SCD5: variants seen among roughly 807,000 people sequenced by gnomAD.
SCD5 encodes the protein stearoyl-CoA desaturase 5.
Under a neutral mutation model 30.4 loss-of-function variants are expected in SCD5, and 20 were observed. The ratio of observed to expected loss-of-function variants is 0.66; its 90% CI spans 0.46 to 0.96. The LOEUF (loss-of-function observed/expected upper bound fraction) is 0.96, where lower values mean the gene tolerates loss of function less well. SCD5 is among the 40% of genes least tolerant of loss of function. The pLI is 0.00. For synonymous variants in SCD5, 173 were observed against 176.4 expected, an observed-to-expected ratio of 0.98 and a Z score of 0.16; for missense variants, 381 against 443.3, an observed-to-expected ratio of 0.86 and a Z score of 1.26.
intron 2 of SCD5, chr4:82,691,779 A>G (rs979621306): frequency 3.3e-5 from 5 of 152,590 alleles, no homozygotes; most frequent in African/African-American, 9.6e-5. Flanking sequence ...CCCTTGCACC[A>G]GCTGGTTTCC....
At chr4:82,746,175 C>A (rs1346406063) in intron 1 of SCD5, among the ~76,000 whole-genome samples, 1 of 152,094 alleles carries the variant, frequency 6.6e-6, no homozygotes, top group African/African-American at 2.4e-5. Context: ...CTGAGCAGTA[C>A]CGGAGAGAAA....
Position 82,772,063 on chromosome 4 carries a change from T to C in SCD5, c.232+26243A>G, listed in dbSNP as rs867651078. The stretch of plus-strand genomic sequence containing the variant: ...GCTGAGTCTCGAAGGGCAAAGAATA[T>C]CCAGGGATATAATAAAAAAAATTTT... On this transcript the variant is annotated intron_variant, in intron 1 of 4. Transcript: ENST00000319540. 3.3e-5 allele frequency among the ~76,000 whole-genome samples: 5 copies of C among 152,240 alleles called. 1 individual carries two copies. Among genetic ancestry groups the C allele is most frequent in the South Asian group, 4.1e-4 (2 of 4,826 alleles).
chr4:82,658,394 C>T (rs779053189), intron 3 of SCD5, among the ~76,000 whole-genome samples: 11 of 149,718 alleles, frequency 7.3e-5, no homozygotes, highest in African/African-American at 2.5e-4. Context: ...TGATGGATTA[C>T]GTTTATTGAT....
intron 1 of SCD5, among the ~76,000 whole-genome samples, chr4:82,736,775 A>C (rs1289408205): frequency 1.3e-5 from 2 of 151,864 alleles, no homozygotes; most frequent in East Asian, 3.9e-4. Context: ...AGATCTTCCC[A>C]CCTTAACCTC....
chr4:82,714,106 C>A (rs61589600), intron 1 of SCD5, among the ~76,000 whole-genome samples: 4 of 152,152 alleles, frequency 2.6e-5, no homozygotes, highest in Admixed American at 2.6e-4. Flanking sequence ...TCATCAACAC[C>A]GCCCCACATA....
At chr4:82,775,048 C>T (rs987060291) in intron 1 of SCD5, among the ~76,000 whole-genome samples, 1 of 152,194 alleles carries the variant, frequency 6.6e-6, no homozygotes, top group Admixed American at 6.5e-5. Context: ...CCCTTCCTCT[C>T]CCCCACAGCC....
At chr4:82,744,840 T>G (rs1028716155) in intron 1 of SCD5, among the ~76,000 whole-genome samples, 3 of 151,290 alleles carry the variant, frequency 2.0e-5, no homozygotes, top group African/African-American at 7.3e-5. Flanking sequence ...GGAGAGAGAC[T>G]GGGTGGAGCG....
In SCD5 at chr4:82,772,684, C is replaced by T. The variant is rs184847045; in HGVS notation, c.232+25622G>A. 5.8e-4 allele frequency among the ~76,000 whole-genome samples: 89 copies of T among 152,248 alleles called. 1 individual carries two copies. The South Asian group carries it at 0.016, about 28-fold the overall frequency. ...CTCACATGGAGGCAGAAAGGTTCCC[C>T]GTGACAAGAGCAGAAGCACCTCTTG... On this transcript the variant is annotated intron_variant, in intron 1 of 4. Coordinates refer to ENST00000319540, the MANE Select transcript of SCD5 (RefSeq NM_001037582.3).
At chr4:82,674,538 T>C (rs893209002) in intron 3 of SCD5, among the ~76,000 whole-genome samples, 2 of 152,218 alleles carry the variant, frequency 1.3e-5, no homozygotes, top group Non-Finnish European at 2.9e-5. Context: ...TGCAAAACGA[T>C]ACAGCCACTT....
rs144026638 is a variant in SCD5 at position 82,668,276 on chromosome 4, C to T, written c.569+12431G>A. On this transcript the variant is annotated intron_variant, in intron 3 of 4. Transcript: ENST00000319540. ...GGCAAATAGACAAGAGGGAGTGAAC[C>T]GAGAAACAGATCAGTGGGACGGAGA... Among the ~76,000 whole-genome samples, 446 of 152,024 alleles carry T rather than the reference C, an allele frequency of 2.9e-3. 3 individuals are homozygous for T. Among genetic ancestry groups the T allele is most frequent in the African/African-American group, 9.9e-3 (412 of 41,438 alleles).
At chr4:82,705,459 T>TTCAAACACCCCCCATGCTTTTTCTC in intron 1 of SCD5, 46 bp from the exon 2 acceptor site, 1 of 1,607,436 alleles carries the variant, frequency 6.2e-7, no homozygotes, top group Non-Finnish European at 8.5e-7. Context: ...TCCCTGAGCT[T>TTCAAACACCCCCCATGCTTTTTCTC]TCAAACACCC....
At chr4:82,688,262 A>C (rs6834939) in intron 2 of SCD5, among the ~76,000 whole-genome samples, 20,166 of 152,126 alleles carry the variant, frequency 0.13, 1,583 homozygotes, top group East Asian at 0.4. Context: ...TTAGAGTAGA[A>C]AATATGCGTG....
intron 1 of SCD5, among the ~76,000 whole-genome samples, chr4:82,777,163 T>C (rs369979161): frequency 5.3e-5 from 8 of 152,256 alleles, no homozygotes; most frequent in South Asian, 2.1e-4. Context: ...TGACATCACA[T>C]TGGGGTCAGC....
chr4:82,649,303 C>T (rs1053877090), intron 3 of SCD5, among the ~76,000 whole-genome samples: 2 of 151,840 alleles, frequency 1.3e-5, no homozygotes, highest in African/African-American at 2.4e-5. Flanking sequence ...GCTTAGTGAG[C>T]ACCTGACAAG....
chr4:82,642,300 C>T (rs939326326), intron 3 of SCD5, among the ~76,000 whole-genome samples: 1 of 152,116 alleles, frequency 6.6e-6, no homozygotes, highest in African/African-American at 2.4e-5. Flanking sequence ...ACCTGCTGCT[C>T]ACTCAGCCAA....
intron 2 of SCD5, among the ~76,000 whole-genome samples, chr4:82,704,868 G>A (rs976130556): frequency 1.3e-5 from 2 of 152,208 alleles, no homozygotes; most frequent in Admixed American, 1.3e-4. Flanking sequence ...TAACCTCACT[G>A]AACCTCATTC....
At chr4:82,646,029 G>A (rs570006443) in intron 3 of SCD5, among the ~76,000 whole-genome samples, 22 of 152,234 alleles carry the variant, frequency 1.4e-4, no homozygotes, top group Admixed American at 3.3e-4. Context: ...AGAGCATGAA[G>A]GGGGGGAAAT....
intron 1 of SCD5, among the ~76,000 whole-genome samples, chr4:82,782,984 G>A (rs1721905269): frequency 6.6e-6 from 1 of 152,188 alleles, no homozygotes; most frequent in Non-Finnish European, 1.5e-5. Context: ...ACCTGCTTCG[G>A]GGCCTGAATG....
intron 3 of SCD5, among the ~76,000 whole-genome samples, chr4:82,671,158 A>T (rs911262422): frequency 6.6e-6 from 1 of 152,212 alleles, no homozygotes; most frequent in Non-Finnish European, 1.5e-5. Flanking sequence ...GACATTACGT[A>T]ACGATATAGG....
Sources: allele counts gnomAD v4.1 joint callset (sites outside exome capture counted in the v4.1 genomes callset), GRCh38; gene constraint gnomAD v4.1.1; transcripts MANE v1.5; gene names NCBI Gene and HGNC (gene_info 2026-07-23, HGNC 2026-07-21).